NR6A1: variants seen among roughly 807,000 people sequenced by gnomAD.
The protein encoded by NR6A1 is nuclear receptor subfamily 6 group A member 1.
NR6A1 carries 7 observed loss-of-function variants against 59.1 expected under a neutral mutation model. The observed-to-expected ratio is 0.12, with a 90% CI of 0.07 to 0.22. NR6A1 has a LOEUF of 0.22. Ranked by LOEUF, NR6A1 falls within the 10% of genes least tolerant of loss-of-function variation. The probability of loss-of-function intolerance (pLI) is 1.00; values close to 1 mark genes in which losing one functional copy is unlikely to be tolerated. For missense variants in NR6A1, 468 were observed against 611.6 expected (o/e 0.77, Z 2.48); for synonymous variants, 243 against 236.1 (o/e 1.03, Z -0.27).
At chr9:124,708,485 G>C (rs1388241222) in intron 2 of NR6A1, among the ~76,000 whole-genome samples, 1 of 152,180 alleles carries the variant, frequency 6.6e-6, no homozygotes, top group African/African-American at 2.4e-5. Flanking sequence ...ACTCATGCCA[G>C]ATATAAATGT....
chr9:124,561,769 A>G (rs1834090638), intron 2 of NR6A1, among the ~76,000 whole-genome samples: 1 of 152,048 alleles, frequency 6.6e-6, no homozygotes, highest in Non-Finnish European at 1.5e-5. Flanking sequence ...AAAATCAGCC[A>G]GGCATGGTGG....
rs964188734 is a variant in NR6A1, at chr9:124,718,752, T to A, written c.142+14556A>T. 6.6e-5 allele frequency among the ~76,000 whole-genome samples: 10 copies of A among 150,934 alleles called. No individual in the cohort carries two copies. In the South Asian group the frequency reaches 1.3e-3, roughly 19 times the overall value. ...CTTAAGTCTACAGCATCCTACTGCA[T>A]GAATAACCACAATCCATTTATCGAG... On this transcript the variant is annotated intron_variant, in intron 2 of 9. Coordinates refer to ENST00000487099, the MANE Select transcript of NR6A1 (RefSeq NM_033334.4).
chr9:124,672,178 T>A (rs2130969789), intron 2 of NR6A1, among the ~76,000 whole-genome samples: 1 of 152,356 alleles, frequency 6.6e-6, no homozygotes, highest in Non-Finnish European at 1.5e-5. Flanking sequence ...ATATGTATTC[T>A]CCCACACTTA....
intron 3 of NR6A1, among the ~76,000 whole-genome samples, chr9:124,544,897 G>A (rs1023871307): frequency 6.6e-6 from 1 of 152,192 alleles, no homozygotes; most frequent in African/African-American, 2.4e-5. Context: ...CTTTCTGACA[G>A]CCACTGTGGA....
intron 3 of NR6A1, among the ~76,000 whole-genome samples, chr9:124,550,712 T>A (rs12337105): frequency 3.9e-5 from 6 of 152,044 alleles, no homozygotes; most frequent in African/African-American, 1.2e-4. Flanking sequence ...TTTATATTTA[T>A]ATTTTTAGAG....
At chr9:124,538,702 G>A (rs1833355301) in intron 5 of NR6A1, among the ~76,000 whole-genome samples, 1 of 152,172 alleles carries the variant, frequency 6.6e-6, no homozygotes, top group South Asian at 2.1e-4. Context: ...GCACAGACAG[G>A]CTAAGTCCTG....
At position 124,604,391 on chromosome 9, in the gene NR6A1, T is replaced by C. The variant is rs535050144; in HGVS notation, c.143-49821A>G. ...CACTCTTTCCATGGCTCCTTCCTCC[T>C]CTTTGACTATACCCACATACAACCT... On this transcript the variant is annotated intron_variant, in intron 2 of 9. Transcript: ENST00000487099. Among the ~76,000 whole-genome samples the C allele has an allele frequency of 1.1e-3, 175 of 152,318 alleles. 1 individual carries two copies. Among genetic ancestry groups the C allele is most frequent in the African/African-American group, 3.8e-3 (159 of 41,578 alleles).
intron 2 of NR6A1, among the ~76,000 whole-genome samples, chr9:124,582,667 G>A (rs1834809140): frequency 1.3e-5 from 2 of 152,082 alleles, no homozygotes; most frequent in Non-Finnish European, 2.9e-5. Context: ...TGGAAGGACT[G>A]CTTGAGGCCA....
intron 2 of NR6A1, among the ~76,000 whole-genome samples, chr9:124,715,210 A>C (rs1274992007): frequency 6.6e-6 from 1 of 151,946 alleles, no homozygotes; most frequent in Non-Finnish European, 1.5e-5. Flanking sequence ...CAGAAAAAAA[A>C]AAAAAAGAAG....
At position 124,575,623 on chromosome 9, in the gene NR6A1, T is replaced by C. The variant is rs536232076; in HGVS notation, c.143-21053A>G. On this transcript the variant is annotated intron_variant, in intron 2 of 9. Transcript: ENST00000487099. ...AATCTCAGCTTTAACATTTACTGAA[T>C]GTGTCATATTGCTTAATCTACATGT... Among the ~76,000 whole-genome samples the C allele has an allele frequency of 8.5e-5, 13 of 152,304 alleles. No individual in the cohort carries two copies. The East Asian group carries it at 2.1e-3, about 25-fold the overall frequency.
intron 2 of NR6A1, among the ~76,000 whole-genome samples, chr9:124,652,042 G>C (rs1454268925): frequency 6.6e-6 from 1 of 152,136 alleles, no homozygotes; most frequent in Admixed American, 6.6e-5. Flanking sequence ...AGTTAAAAAA[G>C]GAAACCAGCA....
intron 2 of NR6A1, among the ~76,000 whole-genome samples, chr9:124,555,983 G>A (rs780579361): frequency 1.3e-5 from 2 of 152,354 alleles, no homozygotes; most frequent in Middle Eastern, 6.8e-3. Context: ...CAGGAGGGAT[G>A]CAGAGAAAGG....
intron 1 of NR6A1, among the ~76,000 whole-genome samples, chr9:124,735,766 G>A (rs2131135362): frequency 6.6e-6 from 1 of 152,332 alleles, no homozygotes; most frequent in Admixed American, 6.5e-5. Flanking sequence ...CAGTTCTGGA[G>A]CCGTGAAGTC....
intron 2 of NR6A1, among the ~76,000 whole-genome samples, chr9:124,608,735 G>A (rs187097084): frequency 6.6e-6 from 1 of 152,276 alleles, no homozygotes; most frequent in East Asian, 1.9e-4. Flanking sequence ...TTCCACAACG[G>A]TTGAACTAAC....
At chr9:124,702,611 C>T (rs1838995395) in intron 2 of NR6A1, among the ~76,000 whole-genome samples, 1 of 152,026 alleles carries the variant, frequency 6.6e-6, no homozygotes, top group Non-Finnish European at 1.5e-5. Context: ...GTGCCCTCCC[C>T]TCAGTAATGA....
chr9:124,620,128 C>T (rs950691434), intron 2 of NR6A1, among the ~76,000 whole-genome samples: 1 of 152,102 alleles, frequency 6.6e-6, no homozygotes, highest in African/African-American at 2.4e-5. Context: ...TAACTGATTA[C>T]ACACAAATAA....
chr9:124,709,945 C>T (rs1161280416), intron 2 of NR6A1, among the ~76,000 whole-genome samples: 1 of 142,040 alleles, frequency 7.0e-6, no homozygotes, highest in African/African-American at 2.7e-5. Context: ...GATTCCATCT[C>T]GAAAAAAAAA....
intron 2 of NR6A1, among the ~76,000 whole-genome samples, chr9:124,563,681 T>G (rs1031919506): frequency 1.3e-5 from 2 of 152,238 alleles, no homozygotes; most frequent in African/African-American, 4.8e-5. Flanking sequence ...AGAGTTCAAC[T>G]TAAGGACTTT....
intron 2 of NR6A1, among the ~76,000 whole-genome samples, chr9:124,667,327 G>A (rs528287515): frequency 7.9e-5 from 12 of 151,490 alleles, no homozygotes; most frequent in African/African-American, 1.5e-4. Flanking sequence ...CACTGCGTCC[G>A]CCTGGCTTAT....
Sources: gnomAD v4.1 joint callset for allele counts (sites outside exome capture counted in the v4.1 genomes callset) on GRCh38, gnomAD v4.1.1 for gene constraint, MANE v1.5 for transcripts, NCBI Gene and HGNC (gene_info 2026-07-23, HGNC 2026-07-21) for gene names.